Variants in MAD1L1 observed in about 807,000 individuals in gnomAD.
The protein encoded by MAD1L1 is mitotic arrest deficient 1 like 1, also known as mitotic spindle assembly checkpoint protein MAD1.
A neutral mutation model predicts 96.9 loss-of-function variants in MAD1L1; 95 were observed. The observed-to-expected ratio is 0.98, with a 90% CI of 0.83 to 1.16. MAD1L1 has a LOEUF of 1.16. Ranked by LOEUF, MAD1L1 falls within the 50% of genes most tolerant of loss-of-function variation. The pLI is 0.00. For synonymous variants in MAD1L1, 473 were observed against 396.6 expected (o/e 1.19, Z -2.29); for missense variants, 1,007 against 954.4 (o/e 1.06, Z -0.73).
intron 10 of MAD1L1, among the ~76,000 whole-genome samples, chr7:2,199,867 C>T (rs978640795): frequency 1.3e-5 from 2 of 152,372 alleles, no homozygotes; most frequent in Admixed American, 1.3e-4. Flanking sequence ...GCCCACACTC[C>T]GCACCATCCA....
intron 18 of MAD1L1, among the ~76,000 whole-genome samples, chr7:1,855,114 G>A (rs1313038080): frequency 1.3e-5 from 2 of 152,154 alleles, no homozygotes; most frequent in Admixed American, 6.5e-5. Context: ...GAAGAGCCGC[G>A]CGTGTTTGCC....
At chr7:1,894,403 G>A (rs1786736636) in intron 18 of MAD1L1, among the ~76,000 whole-genome samples, 1 of 152,230 alleles carries the variant, frequency 6.6e-6, no homozygotes, top group Non-Finnish European at 1.5e-5. Flanking sequence ...GCTAGTCACA[G>A]CTCTGGGAGA....
chr7:2,120,671 C>G (rs1273861227), intron 11 of MAD1L1, among the ~76,000 whole-genome samples: 1 of 152,192 alleles, frequency 6.6e-6, no homozygotes, highest in Admixed American at 6.5e-5. Context: ...AAAACCAAGG[C>G]GTTTCAGAAA....
chr7:1,923,091 A>G (rs1340656967), intron 17 of MAD1L1, among the ~76,000 whole-genome samples: 1 of 152,192 alleles, frequency 6.6e-6, no homozygotes, highest in Non-Finnish European at 1.5e-5. Context: ...ATTGGTGCTA[A>G]GTTTTCTTTA....
chr7:1,907,892 A>G (rs1315248304), intron 17 of MAD1L1, among the ~76,000 whole-genome samples: 2 of 152,200 alleles, frequency 1.3e-5, no homozygotes, highest in African/African-American at 2.4e-5. Context: ...AGGACACCCA[A>G]AAGATCACCT....
intron 12 of MAD1L1, among the ~76,000 whole-genome samples, chr7:2,053,997 G>C (rs530448452): frequency 6.6e-6 from 1 of 152,254 alleles, no homozygotes; most frequent in Admixed American, 6.5e-5. Context: ...TCTGCAGAGG[G>C]AGGCAGGGCG....
intron 18 of MAD1L1, among the ~76,000 whole-genome samples, chr7:1,889,525 T>C (rs1434569225): frequency 1.3e-5 from 2 of 152,198 alleles, no homozygotes; most frequent in African/African-American, 4.8e-5. Flanking sequence ...GGGCCAGGCC[T>C]GCACCGGTGG....
chr7:1,818,029 GTCATAGT>G (rs992245621), intron 18 of MAD1L1, among the ~76,000 whole-genome samples: 5 of 151,982 alleles, frequency 3.3e-5, no homozygotes, highest in Non-Finnish European at 5.9e-5. Context: ...ATTTGGCCTT[GTCATAGT>G]TCAACACAAA....
rs934944865 is a variant in MAD1L1, at chr7:1,979,638, C to T, written c.1505+815G>A. Among the ~76,000 whole-genome samples, 3 of 152,232 alleles carry T rather than the reference C, an allele frequency of 2.0e-5. No homozygotes were observed. In the South Asian group the frequency reaches 6.2e-4, roughly 31 times the overall value. On this transcript the variant is annotated intron_variant, in intron 15 of 18. Coordinates refer to ENST00000265854, the MANE Select transcript of MAD1L1 (RefSeq NM_001013836.2). ...CTAGAAAAGCAGCCCGGCCTGCAGA[C>T]CCTGCTCTAGGGGCGCCGTGTGCAA...
At chr7:2,160,823 G>A (rs1790070440) in intron 10 of MAD1L1, among the ~76,000 whole-genome samples, 1 of 152,212 alleles carries the variant, frequency 6.6e-6, no homozygotes, top group Middle Eastern at 3.4e-3. Context: ...TCTGTACCAA[G>A]AAAATACAAT....
rs115174720 is a variant in MAD1L1 at position 1,840,353 on chromosome 7, G to A, written c.1999-24125C>T. Reference sequence around the variant, plus strand: ...GCCTTCCTTGACTGCAGTGCGCCCCGGGGTATCTGGGAGACGCCTCTGCAC... The same window carrying A: ...GCCTTCCTTGACTGCAGTGCGCCCCAGGGTATCTGGGAGACGCCTCTGCAC... On this transcript the variant is annotated intron_variant, in intron 18 of 18. Transcript: ENST00000265854. Among the ~76,000 whole-genome samples, 958 of 152,346 alleles carry A rather than the reference G, an allele frequency of 6.3e-3. 10 individuals are homozygous for A. Among genetic ancestry groups the A allele is most frequent in the African/African-American group, 0.022 (902 of 41,582 alleles).
At chr7:2,002,719 C>T (rs932458976) in intron 13 of MAD1L1, among the ~76,000 whole-genome samples, 5 of 152,144 alleles carry the variant, frequency 3.3e-5, no homozygotes, top group Non-Finnish European at 5.9e-5. Flanking sequence ...AAAAGCCAGC[C>T]GCCTCCTCCT....
intron 18 of MAD1L1, among the ~76,000 whole-genome samples, chr7:1,831,840 A>T (rs1782717637): frequency 6.6e-6 from 1 of 152,200 alleles, no homozygotes; most frequent in Non-Finnish European, 1.5e-5. Context: ...TGCACTGAAT[A>T]TTTTAAGCCC....
At chr7:2,077,418 C>T (rs913592595) in intron 11 of MAD1L1, among the ~76,000 whole-genome samples, 4 of 152,154 alleles carry the variant, frequency 2.6e-5, no homozygotes, top group Admixed American at 2.6e-4. Flanking sequence ...CACCGTGTCC[C>T]CCAGGACACC....
intron 18 of MAD1L1, among the ~76,000 whole-genome samples, chr7:1,829,938 G>T (rs1236136253): frequency 6.6e-6 from 1 of 152,164 alleles, no homozygotes; most frequent in Non-Finnish European, 1.5e-5. Flanking sequence ...GTAAAGTACA[G>T]AAAGACAAAG....
At chr7:2,109,876 G>C (rs1178465959) in intron 11 of MAD1L1, among the ~76,000 whole-genome samples, 1 of 152,198 alleles carries the variant, frequency 6.6e-6, no homozygotes, top group East Asian at 1.9e-4. Context: ...GAATCCGTTT[G>C]GGTACTTTCT....
At chr7:2,117,755 G>T (rs896362462) in intron 11 of MAD1L1, among the ~76,000 whole-genome samples, 3 of 152,154 alleles carry the variant, frequency 2.0e-5, no homozygotes, top group African/African-American at 7.2e-5. Flanking sequence ...CGAGTCTCGG[G>T]TATGTCTTCA....
At chr7:2,193,278 G>A (rs886903215) in intron 10 of MAD1L1, 3 of 152,790 alleles carry the variant, frequency 2.0e-5, no homozygotes, top group Admixed American at 6.5e-5. Flanking sequence ...CAACCGGGGT[G>A]AGACAAGGGC....
rs562432505 is a variant in MAD1L1 at position 2,076,930 on chromosome 7, G to A, written c.1074-7592C>T. The stretch of plus-strand genomic sequence containing the variant: ...AGTGAGCCCACAGCATGGTCAGCCC[G>A]AGACAGTTATGGCACAGTGAGCCCG... On this transcript the variant is annotated intron_variant, in intron 11 of 18. Transcript: ENST00000265854. Among the ~76,000 whole-genome samples, 16 of 150,238 alleles carry A rather than the reference G, an allele frequency of 1.1e-4. No individual in the cohort carries two copies. The South Asian group carries it at 3.2e-3, about 30-fold the overall frequency.
Sources: allele counts gnomAD v4.1 joint callset (sites outside exome capture counted in the v4.1 genomes callset), GRCh38; gene constraint gnomAD v4.1.1; transcripts MANE v1.5; gene names NCBI Gene and HGNC (gene_info 2026-07-23, HGNC 2026-07-21).